The following CYP7B1 variants were observed in gnomAD, a reference collection of about 807,000 sequenced individuals.
CYP7B1 encodes the protein cytochrome P450 family 7 subfamily B member 1.
A neutral mutation model predicts 42.7 loss-of-function variants in CYP7B1; 29 were observed. That is an observed-to-expected ratio of 0.68 (90% confidence interval 0.51 to 0.93). The LOEUF is 0.93. Ranked by LOEUF, CYP7B1 falls within the 40% of genes least tolerant of loss-of-function variation. CYP7B1 has a pLI of 0.00. For missense variants in CYP7B1, 655 were observed against 600.5 expected (o/e 1.09, Z -0.95); for synonymous variants, 235 against 218.2 (o/e 1.08, Z -0.68).
intron 1 of CYP7B1, among the ~76,000 whole-genome samples, chr8:64,682,722 T>C (rs1452680988): frequency 6.6e-6 from 1 of 152,224 alleles, no homozygotes; most frequent in African/African-American, 2.4e-5. Flanking sequence ...TCCAGGCTAG[T>C]TGCAACAGCT....
chr8:64,750,553 T>C (rs1377788802), intron 1 of CYP7B1, among the ~76,000 whole-genome samples: 4 of 152,230 alleles, frequency 2.6e-5, no homozygotes, highest in African/African-American at 9.6e-5. Flanking sequence ...AGCACATAAA[T>C]ATCCCTAAGC....
At chr8:64,793,153 C>G (rs1440327841) in intron 1 of CYP7B1, among the ~76,000 whole-genome samples, 1 of 152,126 alleles carries the variant, frequency 6.6e-6, no homozygotes, top group Non-Finnish European at 1.5e-5. Context: ...ATTTAGCTCA[C>G]TAAGGTCTAT....
intron 1 of CYP7B1, among the ~76,000 whole-genome samples, chr8:64,775,052 T>C (rs1804301007): frequency 6.6e-6 from 1 of 152,168 alleles, no homozygotes; most frequent in Non-Finnish European, 1.5e-5. Context: ...ATCCAAATTG[T>C]TTTTACAAAT....
At chr8:64,650,219 A>G (rs549558139) in intron 1 of CYP7B1, among the ~76,000 whole-genome samples, 37 of 152,352 alleles carry the variant, frequency 2.4e-4, no homozygotes, top group Non-Finnish European at 4.4e-4. Flanking sequence ...GTTGGTCTAT[A>G]TGGGTCAAGT....
intron 1 of CYP7B1, among the ~76,000 whole-genome samples, chr8:64,741,964 C>T (rs1293357984): frequency 6.6e-6 from 1 of 152,112 alleles, no homozygotes; most frequent in Non-Finnish European, 1.5e-5. Flanking sequence ...CAATCAAATC[C>T]CAGCAAGCTT....
chr8:64,615,324 C>A (rs1297767019), intron 3 of CYP7B1, 92 bp from the exon 4 acceptor site: 3 of 1,313,144 alleles, frequency 2.3e-6, no homozygotes, highest in Non-Finnish European at 3.2e-6. Flanking sequence ...AGGACACAGA[C>A]CCAGCCAAGG....
chr8:64,673,552 C>A (rs1806398175), intron 1 of CYP7B1, among the ~76,000 whole-genome samples: 3 of 152,116 alleles, frequency 2.0e-5, no homozygotes. Context: ...TTGTGTAATT[C>A]TTCCCATTGT....
At chr8:64,668,016 A>G (rs1264779683) in intron 1 of CYP7B1, among the ~76,000 whole-genome samples, 2 of 152,204 alleles carry the variant, frequency 1.3e-5, no homozygotes, top group South Asian at 2.1e-4. Flanking sequence ...AATCTTCCAA[A>G]GAATTCTTAC....
downstream of CYP7B1, among the ~76,000 whole-genome samples, chr8:64,589,601 C>A (rs1219667036): frequency 6.6e-6 from 1 of 152,150 alleles, no homozygotes; most frequent in African/African-American, 2.4e-5. Flanking sequence ...AAAACAAAAG[C>A]ATTTATTAAA....
chr8:64,701,046 AT>A (rs1289450157), intron 1 of CYP7B1, among the ~76,000 whole-genome samples: 3 of 152,050 alleles, frequency 2.0e-5, no homozygotes, highest in Non-Finnish European at 4.4e-5. Flanking sequence ...TCCAGTAATT[AT>A]TTTAAACTGC....
At chr8:64,633,989 T>C (rs1805734162) in intron 1 of CYP7B1, among the ~76,000 whole-genome samples, 1 of 152,154 alleles carries the variant, frequency 6.6e-6, no homozygotes. Flanking sequence ...AGTTGCAAAA[T>C]GCAAAGAGAA....
chr8:64,742,168 C>T (rs139836967), intron 1 of CYP7B1, among the ~76,000 whole-genome samples: 3 of 151,708 alleles, frequency 2.0e-5, no homozygotes, highest in South Asian at 2.1e-4. Flanking sequence ...ATGATCTGTA[C>T]TGTCAATTTA....
intron 1 of CYP7B1, among the ~76,000 whole-genome samples, chr8:64,637,293 C>A (rs1805787568): frequency 6.6e-6 from 1 of 152,130 alleles, no homozygotes; most frequent in African/African-American, 2.4e-5. Context: ...AAGCCTGAGG[C>A]CCCATATGCT....
chr8:64,671,999 G>T (rs1271043678), intron 1 of CYP7B1, among the ~76,000 whole-genome samples: 1 of 152,142 alleles, frequency 6.6e-6, no homozygotes, highest in Non-Finnish European at 1.5e-5. Flanking sequence ...GTCAGGGAAG[G>T]TGTCTCTGAA....
chr8:64,733,328 G>T (rs1488134895), intron 1 of CYP7B1, among the ~76,000 whole-genome samples: 1 of 152,240 alleles, frequency 6.6e-6, no homozygotes, highest in East Asian at 1.9e-4. Context: ...ATTCCTCAAG[G>T]CTACATTCCA....
intron 1 of CYP7B1, among the ~76,000 whole-genome samples, chr8:64,655,004 C>T (rs1806100625): frequency 6.6e-6 from 1 of 152,024 alleles, no homozygotes; most frequent in South Asian, 2.1e-4. Context: ...TTTTTTACAC[C>T]ATATATAAAA....
Position 64,654,553 on chromosome 8 carries a change from G to A in CYP7B1, c.123-30014C>T, listed in dbSNP as rs539018598. On this transcript the variant is annotated intron_variant, in intron 1 of 5. Transcript: ENST00000310193. ...AAACAAATGGAAAAACATCCCATGC[G>A]CATGAATAGGAAGAATCAATTTTAT... Among the ~76,000 whole-genome samples, 20 of 152,244 alleles carry A rather than the reference G, an allele frequency of 1.3e-4. No homozygotes were observed. In the East Asian group the frequency reaches 1.3e-3, roughly 10 times the overall value.
At chr8:64,735,354 A>C (rs933093910) in intron 1 of CYP7B1, among the ~76,000 whole-genome samples, 5 of 152,270 alleles carry the variant, frequency 3.3e-5, no homozygotes, top group African/African-American at 1.2e-4. Flanking sequence ...AGAAAAATTT[A>C]TATCTATAAA....
chr8:64,654,348 A>C (rs1267258179), intron 1 of CYP7B1, among the ~76,000 whole-genome samples: 1 of 152,234 alleles, frequency 6.6e-6, no homozygotes, highest in Non-Finnish European at 1.5e-5. Context: ...TTAGTGTACA[A>C]AAATCACTAG....
Sources: gnomAD v4.1 joint callset for allele counts (sites outside exome capture counted in the v4.1 genomes callset) on GRCh38, gnomAD v4.1.1 for gene constraint, MANE v1.5 for transcripts, NCBI Gene and HGNC (gene_info 2026-07-23, HGNC 2026-07-21) for gene names.